NKAIN2: variants seen among roughly 807,000 people sequenced by gnomAD.
NKAIN2 encodes sodium/potassium transporting ATPase interacting 2.
A neutral mutation model predicts 32.6 loss-of-function variants in NKAIN2; 14 were observed. That is an observed-to-expected ratio of 0.43 (90% CI 0.28 to 0.67). The LOEUF is 0.67. Among genes scored for constraint, NKAIN2 ranks in the 30% least tolerant of loss-of-function variants. NKAIN2 has a pLI of 0.17. For missense variants in NKAIN2, 198 were observed against 258.3 expected (o/e 0.77, Z 1.60); for synonymous variants, 80 against 87.2 (o/e 0.92, Z 0.46).
chr6:124,395,844 T>C (rs1309222474), intron 3 of NKAIN2, among the ~76,000 whole-genome samples: 1 of 152,118 alleles, frequency 6.6e-6, no homozygotes, highest in African/African-American at 2.4e-5. Flanking sequence ...ATGCTGAAAA[T>C]ATTGTTATAT....
At chr6:124,525,964 G>T (rs930040989) in intron 3 of NKAIN2, among the ~76,000 whole-genome samples, 2 of 152,108 alleles carry the variant, frequency 1.3e-5, no homozygotes, top group African/African-American at 2.4e-5. Context: ...ATAAATTCCA[G>T]CATGTTTACA....
At chr6:124,159,657 C>T (rs941649831) in intron 1 of NKAIN2, among the ~76,000 whole-genome samples, 5 of 151,998 alleles carry the variant, frequency 3.3e-5, no homozygotes, top group Non-Finnish European at 7.4e-5. Context: ...AAATTATATC[C>T]GAGTGCAATA....
At chr6:124,606,908 A>G (rs750948566) in intron 3 of NKAIN2, among the ~76,000 whole-genome samples, 8 of 152,174 alleles carry the variant, frequency 5.3e-5, no homozygotes, top group Non-Finnish European at 1.2e-4. Context: ...ATTAAACAGA[A>G]CAACAGTTGG....
chr6:123,946,920 C>A (rs1034208912), intron 1 of NKAIN2, among the ~76,000 whole-genome samples: 1 of 152,266 alleles, frequency 6.6e-6, no homozygotes. Context: ...GGCAGTCCCT[C>A]CCTACTGGGA....
chr6:124,543,289 C>T (rs1445712574), intron 3 of NKAIN2, among the ~76,000 whole-genome samples: 1 of 152,158 alleles, frequency 6.6e-6, no homozygotes, highest in African/African-American at 2.4e-5. Context: ...ACTAATCCTT[C>T]CACTACCTAG....
intron 2 of NKAIN2, among the ~76,000 whole-genome samples, chr6:124,298,213 A>G (rs1796143829): frequency 6.6e-6 from 1 of 152,148 alleles, no homozygotes; most frequent in African/African-American, 2.4e-5. Context: ...TAGGGTTTCA[A>G]TACTCTTTTA....
chr6:124,616,717 G>T (rs567253624), intron 3 of NKAIN2, among the ~76,000 whole-genome samples: 2 of 151,670 alleles, frequency 1.3e-5, no homozygotes, highest in South Asian at 4.2e-4. Context: ...ACCCGCCTCG[G>T]CCTCCCAAAT....
At chr6:124,071,821 A>G (rs936816450) in intron 1 of NKAIN2, among the ~76,000 whole-genome samples, 2 of 152,166 alleles carry the variant, frequency 1.3e-5, no homozygotes, top group Admixed American at 6.6e-5. Context: ...AAAGTCAAAA[A>G]GCAGTCAATG....
At chr6:124,229,011 C>T (rs1792278272) in intron 1 of NKAIN2, among the ~76,000 whole-genome samples, 1 of 152,078 alleles carries the variant, frequency 6.6e-6, no homozygotes, top group African/African-American at 2.4e-5. Flanking sequence ...TGTTAGTCAA[C>T]TAATAAATAT....
At chr6:124,117,611 C>A (rs1372593520) in intron 1 of NKAIN2, among the ~76,000 whole-genome samples, 1 of 151,926 alleles carries the variant, frequency 6.6e-6, no homozygotes, top group Non-Finnish European at 1.5e-5. Flanking sequence ...ATGTAACAAA[C>A]CTGCACGTTG....
intron 1 of NKAIN2, among the ~76,000 whole-genome samples, chr6:124,228,921 G>A (rs941463272): frequency 2.6e-5 from 4 of 152,048 alleles, no homozygotes; most frequent in African/African-American, 9.7e-5. Flanking sequence ...TTCTATCATG[G>A]CCATCTTTTT....
chr6:124,815,242 G>GTATATATGTATA (rs1562400504), intron 5 of NKAIN2, among the ~76,000 whole-genome samples: 2 of 62,262 alleles, frequency 3.2e-5, no homozygotes, highest in Non-Finnish European at 8.7e-5. Context: ...ATATATATAT[G>GTATATATGTATA]TATATATGTA....
chr6:123,808,143 T>A (rs573341712), intron 1 of NKAIN2, among the ~76,000 whole-genome samples: 1 of 152,182 alleles, frequency 6.6e-6, no homozygotes, highest in Non-Finnish European at 1.5e-5. Context: ...AAAGCGTTGC[T>A]GTGAAGTAGC....
intron 1 of NKAIN2, among the ~76,000 whole-genome samples, chr6:124,119,253 G>T (rs1265756649): frequency 6.6e-6 from 1 of 152,058 alleles, no homozygotes; most frequent in African/African-American, 2.4e-5. Context: ...ATTAATCGGG[G>T]AACATTTCCC....
At chr6:124,767,735 C>T (rs903429589) in intron 4 of NKAIN2, among the ~76,000 whole-genome samples, 18 of 152,186 alleles carry the variant, frequency 1.2e-4, no homozygotes. Flanking sequence ...TGCATCCATG[C>T]TCTGAAGCCA....
intron 1 of NKAIN2, among the ~76,000 whole-genome samples, chr6:123,811,176 T>G (rs954377317): frequency 1.2e-4 from 19 of 152,218 alleles, no homozygotes; most frequent in African/African-American, 4.3e-4. Flanking sequence ...TCTACTGATA[T>G]GAGAGAAAAC....
chr6:123,982,075 C>G lies in NKAIN2; in HGVS notation c.54+177821C>G, dbSNP rs367900152. The stretch of plus-strand genomic sequence containing the variant: ...AAAATATTAATGCCATGTAACCTAA[C>G]TTTTTTTTCATAGAAAAAATGTCCA... On this transcript the variant is annotated intron_variant, in intron 1 of 6. Coordinates refer to ENST00000368417, the MANE Select transcript of NKAIN2 (RefSeq NM_001040214.3). 1.6e-3 allele frequency among the ~76,000 whole-genome samples: 245 copies of G among 152,142 alleles called. 1 individual carries two copies. The highest frequency in any genetic ancestry group is 5.7e-3 in the African/African-American group (238 of 41,492).
intron 1 of NKAIN2, among the ~76,000 whole-genome samples, chr6:124,155,476 A>T (rs1371813165): frequency 2.6e-5 from 4 of 152,152 alleles, no homozygotes; most frequent in Non-Finnish European, 5.9e-5. Flanking sequence ...ATGTTGAATG[A>T]GGTAAAGAAT....
intron 4 of NKAIN2, among the ~76,000 whole-genome samples, chr6:124,710,734 G>A (rs1250960941): frequency 6.8e-6 from 1 of 147,156 alleles, no homozygotes; most frequent in African/African-American, 2.5e-5. Flanking sequence ...CTCTGCACGT[G>A]AGATGGGTTT....
Sources: allele counts gnomAD v4.1 joint callset (sites outside exome capture counted in the v4.1 genomes callset), GRCh38; gene constraint gnomAD v4.1.1; transcripts MANE v1.5; gene names NCBI Gene and HGNC (gene_info 2026-07-23, HGNC 2026-07-21).